PICALM: variants seen among roughly 807,000 people sequenced by gnomAD.
PICALM encodes the protein phosphatidylinositol-binding clathrin assembly protein.
PICALM carries 40 observed loss-of-function variants against 80.5 expected under a neutral mutation model. That is an observed-to-expected ratio of 0.50 (90% CI 0.39 to 0.65). PICALM has a LOEUF of 0.65. PICALM is among the 30% of genes least tolerant of loss of function. The pLI, the probability that PICALM is intolerant of heterozygous loss-of-function variation, is 0.00. For synonymous variants in PICALM, 288 were observed against 260.3 expected (o/e 1.11, Z -1.02); for missense variants, 676 against 778.9 (o/e 0.87, Z 1.57).
chr11:85,990,612 T>C (rs1457284939), intron 12 of PICALM, among the ~76,000 whole-genome samples: 5 of 152,190 alleles, frequency 3.3e-5, no homozygotes, highest in Non-Finnish European at 7.4e-5. Flanking sequence ...AAAAAATCCT[T>C]TTATTTGTTA....
chr11:86,067,306 T>C (rs2096460984), intron 1 of PICALM, among the ~76,000 whole-genome samples: 1 of 152,228 alleles, frequency 6.6e-6, no homozygotes, highest in Admixed American at 6.5e-5. Context: ...CTTTCATGTA[T>C]GATGAAAGTC....
intron 19 of PICALM, chr11:85,960,867 G>T: frequency 2.1e-6 from 1 of 478,880 alleles, no homozygotes; most frequent in Non-Finnish European, 3.3e-6. Context: ...AGAAGAAGTG[G>T]TTTTGGTTTT....
chr11:86,036,181 A>T (rs1305047262), intron 1 of PICALM, among the ~76,000 whole-genome samples: 1 of 152,202 alleles, frequency 6.6e-6, no homozygotes, highest in Non-Finnish European at 1.5e-5. Context: ...TGTTTTAAGT[A>T]TTTCAAAACT....
chr11:85,981,029 C>A, intron 17 of PICALM, 100 bp downstream of exon 17: 1 of 667,630 alleles, frequency 1.5e-6, no homozygotes. Flanking sequence ...AACTCAGTAA[C>A]AATCCTTCTA....
At chr11:85,977,261 G>A (rs758625169) in intron 17 of PICALM, among the ~76,000 whole-genome samples, 5 of 152,112 alleles carry the variant, frequency 3.3e-5, no homozygotes, top group Non-Finnish European at 7.4e-5. Context: ...GAGTATGTAC[G>A]TTAGCTTTCT....
intron 3 of PICALM, chr11:86,023,598 T>A (rs2095601963): frequency 4.1e-6 from 4 of 982,874 alleles, no homozygotes; most frequent in Non-Finnish European, 4.8e-6. Flanking sequence ...TTAATTTCCA[T>A]CTTAAGAAAA....
Position 85,981,173 on chromosome 11 carries a change from G to A in PICALM, c.1735C>T (p.Gln579Ter). The change falls in exon 17 of 20, where the codon CAA becomes TAA. Residue 579 changes from glutamine (Q) to a stop codon, truncating the protein, a stop_gained. Transcript: ENST00000393346. LOFTEE classifies it high-confidence loss of function. ...EKKLTGGSNW[Q>*]PKVAPTTAWN... ...GCGGTTGTTGGTGCAACCTTTGGTTGCCAGTTAGATCCCCCAGTTAACTTC... is the reference window on the plus strand; with the variant it reads ...GCGGTTGTTGGTGCAACCTTTGGTTACCAGTTAGATCCCCCAGTTAACTTC... The A allele has an allele frequency of 6.2e-7, 1 of 1,609,812 alleles. No individual in the cohort carries two copies. Among genetic ancestry groups the A allele is most frequent in the Non-Finnish European group, 8.5e-7 (1 of 1,176,068 alleles).
At chr11:86,002,109 T>G (rs2095161297) in intron 9 of PICALM, among the ~76,000 whole-genome samples, 1 of 152,204 alleles carries the variant, frequency 6.6e-6, no homozygotes. Flanking sequence ...ATAAATTTTA[T>G]GATAAACATT....
intron 12 of PICALM, among the ~76,000 whole-genome samples, chr11:85,992,288 T>G (rs1469037053): frequency 1.3e-5 from 2 of 151,594 alleles, no homozygotes; most frequent in South Asian, 2.1e-4. Flanking sequence ...TGTTTTGTTT[T>G]TTTTTTTTTT....
intron 17 of PICALM, among the ~76,000 whole-genome samples, chr11:85,977,754 T>C (rs1465697125): frequency 1.3e-5 from 2 of 152,194 alleles, no homozygotes; most frequent in African/African-American, 4.8e-5. Flanking sequence ...TTTTAAACAT[T>C]ACCACAATCA....
At chr11:86,022,272 C>T (rs2095577233) in intron 4 of PICALM, 95 bp downstream of exon 4, 2 of 697,702 alleles carry the variant, frequency 2.9e-6, no homozygotes, top group South Asian at 1.8e-5. Flanking sequence ...TCTTTTAAAA[C>T]TGGCTAAAAT....
At position 86,020,424 on chromosome 11, in the gene PICALM, G is replaced by GAAAA. The variant is rs34312370; in HGVS notation, c.452+1939_452+1942dup. On this transcript the variant is annotated intron_variant, in intron 4 of 19. Coordinates refer to ENST00000393346, the MANE Select transcript of PICALM (RefSeq NM_007166.4). ...CCCAGAACAGCTAAAACAATCTTGG[G>GAAAA]AAAAAAAAAAAAAAAAAAAGAATAG... Among the ~76,000 whole-genome samples, 15 of 94,238 alleles carry GAAAA rather than the reference G, an allele frequency of 1.6e-4. 1 individual carries two copies. The highest frequency in any genetic ancestry group is 2.1e-4 in the Non-Finnish European group (10 of 48,256). 61.8% of individuals were successfully genotyped at this position (94,238 alleles called of 152,430 possible).
rs1204969752 is a variant in PICALM at position 85,965,807 on chromosome 11, GTTTTTTTGTTTTTT to G, written c.1945-6761_1945-6748del. 6.6e-3 allele frequency among the ~76,000 whole-genome samples: 524 copies of G among 79,262 alleles called. 6 individuals are homozygous for G. The highest frequency in any genetic ancestry group is 0.027 in the African/African-American group (457 of 17,178). The allele number at this position is 79,262 out of a possible 152,430, so 52.0% of individuals were successfully genotyped here. ...TCACCTTGAATGCATTACCCATTTT[GTTTTTTTGTTTTTT>G]TTTTTTTTTTTTTTTTTGAGACAGA... On this transcript the variant is annotated intron_variant, in intron 19 of 19. Transcript: ENST00000393346.
At chr11:85,960,808 G>C (rs1447827965) in intron 19 of PICALM, 5 of 1,010,646 alleles carry the variant, frequency 4.9e-6, no homozygotes, top group Non-Finnish European at 6.5e-6. Flanking sequence ...GAGAGGGAAA[G>C]AAAAAAAGAT....
At chr11:85,963,477 T>C (rs1046188520) in intron 19 of PICALM, among the ~76,000 whole-genome samples, 1 of 152,210 alleles carries the variant, frequency 6.6e-6, no homozygotes, top group Non-Finnish European at 1.5e-5. Flanking sequence ...TTCGTTCAAA[T>C]CAAAATGACC....
chr11:86,033,378 C>T (rs577574479), intron 1 of PICALM, among the ~76,000 whole-genome samples: 3 of 152,054 alleles, frequency 2.0e-5, no homozygotes, highest in African/African-American at 7.3e-5. Context: ...CTTCCCCCCA[C>T]TGCATCACTG....
rs745766988 is a variant in PICALM at position 85,981,753 on chromosome 11, G to A, written c.1671C>T (p.Thr557=). 5 of 1,609,992 alleles carry A rather than the reference G, an allele frequency of 3.1e-6. No homozygotes were observed. The highest frequency in any genetic ancestry group is 4.3e-6 in the Non-Finnish European group (5 of 1,176,438). The change falls in exon 16 of 20, where the codon ACC becomes ACT. Residue 557 remains threonine (T), a synonymous_variant. Coordinates refer to ENST00000393346, the MANE Select transcript of PICALM (RefSeq NM_007166.4). Reference sequence around the variant, plus strand: ...GTATATTAAACACTCACTTCTTAGTGGTTCCATTTCCGATGCCAAGATCTA... The same window carrying A: ...GTATATTAAACACTCACTTCTTAGTAGTTCCATTTCCGATGCCAAGATCTA... ...LVGNLGIGNG[T]TKNDVNWSQP... is the part of the protein sequence containing the mutation.
Position 85,985,855 on chromosome 11 carries a change from C to T in PICALM, c.1409-1882G>A, listed in dbSNP as rs534209884. ...ATGGAACAACAATTTAAAATTAGGC[C>T]AATATATCAAATTCCCATTTTCTCC... On this transcript the variant is annotated intron_variant, in intron 13 of 19. Coordinates refer to ENST00000393346, the MANE Select transcript of PICALM (RefSeq NM_007166.4). Among the ~76,000 whole-genome samples the T allele has an allele frequency of 1.2e-4, 18 of 152,214 alleles. 1 individual carries two copies. The highest frequency in any genetic ancestry group is 4.1e-4 in the African/African-American group (17 of 41,536).
At position 86,069,041 on chromosome 11, in the gene PICALM, G is replaced by C. The variant is rs1407356173; in HGVS notation, c.-261C>G. Reference sequence around the variant, plus strand: ...AGCCCACCCCTTCCCGGGTCAGCTGGAGCCGGGCAGGGTAAGAGGAACAGG... The same window carrying C: ...AGCCCACCCCTTCCCGGGTCAGCTGCAGCCGGGCAGGGTAAGAGGAACAGG... On this transcript the variant is annotated 5_prime_UTR_variant, in exon 1 of 20. Coordinates refer to ENST00000393346, the MANE Select transcript of PICALM (RefSeq NM_007166.4). The C allele has an allele frequency of 6.6e-6, 3 of 451,650 alleles. No individual in the cohort carries two copies. The East Asian group carries it at 1.1e-4, about 17-fold the overall frequency. 28.0% of individuals were successfully genotyped at this position (451,650 alleles called of 1,614,324 possible). A position where few individuals can be genotyped will look rare whatever the true frequency, so the allele number is the denominator to read the frequency against.
Sources: gnomAD v4.1 joint callset for allele counts (sites outside exome capture counted in the v4.1 genomes callset) on GRCh38, gnomAD v4.1.1 for gene constraint, MANE v1.5 for transcripts, NCBI Gene and HGNC (gene_info 2026-07-23, HGNC 2026-07-21) for gene names.